Variants in TRAPPC9 observed in about 807,000 individuals in gnomAD.
TRAPPC9 encodes trafficking protein particle complex subunit 9, also known as IKK2 binding protein.
In TRAPPC9, 83 loss-of-function variants were observed where a neutral mutation model predicts 124.0. The observed-to-expected ratio is 0.67, with a 90% CI of 0.56 to 0.80. The LOEUF is 0.80. Among genes scored for constraint, TRAPPC9 ranks in the 30% least tolerant of loss-of-function variants. The probability of loss-of-function intolerance (pLI) is 0.00; values close to 1 mark genes in which losing one functional copy is unlikely to be tolerated. For synonymous variants in TRAPPC9, 638 were observed against 617.5 expected (o/e 1.03, Z -0.49); for missense variants, 1,302 against 1,508.3 (o/e 0.86, Z 2.27).
chr8:139,924,778 C>G (rs2131353096), intron 19 of TRAPPC9, among the ~76,000 whole-genome samples: 1 of 152,366 alleles, frequency 6.6e-6, no homozygotes, highest in African/African-American at 2.4e-5. Context: ...CTATTTCGTC[C>G]ACCTCCTTCG....
intron 21 of TRAPPC9, among the ~76,000 whole-genome samples, chr8:139,805,204 C>T (rs536125491): frequency 1.5e-3 from 227 of 152,336 alleles, no homozygotes; most frequent in Middle Eastern, 0.01. Context: ...GTGGAGTAGG[C>T]GTACCCCAGT....
At chr8:140,246,277 C>T (rs2063985821) in intron 16 of TRAPPC9, among the ~76,000 whole-genome samples, 1 of 152,188 alleles carries the variant, frequency 6.6e-6, no homozygotes. Flanking sequence ...TCCAAGATCA[C>T]CTTCCTGCTC....
At position 139,788,275 on chromosome 8, in the gene TRAPPC9, G is replaced by T. The variant is rs772508254; in HGVS notation, c.3056-56073C>A. Among the ~76,000 whole-genome samples the T allele has an allele frequency of 2.0e-5, 3 of 152,228 alleles. No homozygotes were observed. Among genetic ancestry groups the T allele is most frequent in the South Asian group, 2.1e-4 (1 of 4,834 alleles). On this transcript the variant is annotated intron_variant, in intron 21 of 22. Transcript: ENST00000438773. The surrounding 1 kb of genome is among the most constrained non-coding windows in gnomAD (Gnocchi z 4.9). ...TCCTGGGTGGCTAATGTGTGTGTCA[G>T]TGTATGTTGGAGGAGGGGAAGGGTG...
At chr8:140,247,157 T>TA (rs772067849) in intron 16 of TRAPPC9, among the ~76,000 whole-genome samples, 1 of 152,222 alleles carries the variant, frequency 6.6e-6, no homozygotes, top group Non-Finnish European at 1.5e-5. Context: ...CACAAGTCCT[T>TA]ATGACAACGT....
chr8:139,862,867 T>C (rs1485168995), intron 21 of TRAPPC9, among the ~76,000 whole-genome samples: 1 of 152,202 alleles, frequency 6.6e-6, no homozygotes, highest in African/African-American at 2.4e-5. Context: ...TCCCACAGCC[T>C]AGGTCATTGT....
rs115786121 is a variant in TRAPPC9, at chr8:140,277,208, C to T, written c.2115-1387G>A. On this transcript the variant is annotated intron_variant, in intron 14 of 22. Transcript: ENST00000438773. ...TTAACACAAGCCAAGCTCATGGTGC[C>T]GGGCACGTGTTTCCTGGGGGCTTCC... Among the ~76,000 whole-genome samples the T allele has an allele frequency of 5.6e-3, 846 of 152,344 alleles. 10 individuals carry two copies. The highest frequency in any genetic ancestry group is 0.019 in the African/African-American group (793 of 41,572).
chr8:139,978,963 G>GGGCTTCACA (rs1836684863), intron 19 of TRAPPC9, among the ~76,000 whole-genome samples: 1 of 152,122 alleles, frequency 6.6e-6, no homozygotes, highest in South Asian at 2.1e-4. Flanking sequence ...ACATCTGGGT[G>GGGCTTCACA]GGCTTCACAG....
At position 139,730,996 on chromosome 8, in the gene TRAPPC9, G is replaced by C. The variant is rs373284152; in HGVS notation, c.*65C>G. ...GCAGTGAAGGCCTTGCTCATTGCAG[G>C]GGGTGTGGGAGGCCAGGCAGGGTCA... On this transcript the variant is annotated 3_prime_UTR_variant, in exon 23 of 23. Transcript: ENST00000438773. 23 of 1,576,642 alleles carry C rather than the reference G, an allele frequency of 1.5e-5. No individual in the cohort carries two copies. In the East Asian group the frequency reaches 5.0e-4, roughly 34 times the overall value.
intron 5 of TRAPPC9, among the ~76,000 whole-genome samples, chr8:140,410,840 C>CAA (rs750158682): frequency 6.0e-5 from 6 of 100,258 alleles, no homozygotes; most frequent in South Asian, 2.9e-4. Context: ...GAGACTGTCT[C>CAA]AAAAAAAAAA....
chr8:139,836,803 T>TA (rs907994482), intron 21 of TRAPPC9, among the ~76,000 whole-genome samples: 1 of 152,286 alleles, frequency 6.6e-6, no homozygotes, highest in East Asian at 1.9e-4. Flanking sequence ...TTCTGTAAGC[T>TA]AAAAAATAGG....
At chr8:140,347,216 C>G (rs942066000) in intron 9 of TRAPPC9, among the ~76,000 whole-genome samples, 2 of 152,190 alleles carry the variant, frequency 1.3e-5, no homozygotes, top group Non-Finnish European at 2.9e-5. Flanking sequence ...TCCAGCTCAG[C>G]CCCACAGTTC....
chr8:140,069,488 C>T (rs1843035010), intron 17 of TRAPPC9, among the ~76,000 whole-genome samples: 1 of 152,194 alleles, frequency 6.6e-6, no homozygotes, highest in Non-Finnish European at 1.5e-5. Context: ...GGCGGTCCCT[C>T]TGGGCCCTGT....
chr8:139,881,658 C>T (rs1829680587), intron 21 of TRAPPC9, among the ~76,000 whole-genome samples: 3 of 101,752 alleles, frequency 2.9e-5, no homozygotes, highest in South Asian at 3.2e-4. Flanking sequence ...AGCTGGCCTA[C>T]CAACTGCTAA....
At position 139,977,026 on chromosome 8, in the gene TRAPPC9, C is replaced by T. The variant is rs528675605; in HGVS notation, c.2810+11700G>A. ...TGGGCAGCTACTGGGTCTGGATTAT[C>T]TGATGAGTAAGACGATTCTGGCCTG... On this transcript the variant is annotated intron_variant, in intron 19 of 22. Coordinates refer to ENST00000438773, the MANE Select transcript of TRAPPC9 (RefSeq NM_001160372.4). 6.9e-4 allele frequency among the ~76,000 whole-genome samples: 105 copies of T among 152,340 alleles called. No homozygotes were observed. In the Middle Eastern group the frequency reaches 0.01, roughly 15 times the overall value.
intron 19 of TRAPPC9, among the ~76,000 whole-genome samples, chr8:139,938,686 C>T (rs961162631): frequency 1.3e-4 from 19 of 151,544 alleles, no homozygotes; most frequent in African/African-American, 3.9e-4. Context: ...TCGCCCAGGC[C>T]GGACTGTGGA....
At chr8:140,196,514 ATCACACCT>A (rs2062671215) in intron 17 of TRAPPC9, among the ~76,000 whole-genome samples, 1 of 12,326 alleles carries the variant, frequency 8.1e-5, no homozygotes, top group Admixed American at 1.0e-3. Context: ...CACCATACAG[ATCACACCT>A]GTGACACTAA....
intron 6 of TRAPPC9, among the ~76,000 whole-genome samples, chr8:140,401,927 CTTTT>C (rs769830190): frequency 1.4e-5 from 2 of 139,768 alleles, no homozygotes; most frequent in Non-Finnish European, 3.1e-5. Flanking sequence ...CACTCAACCT[CTTTT>C]TTTTTTTTTT....
chr8:139,917,167 C>A (rs117332545), intron 19 of TRAPPC9, among the ~76,000 whole-genome samples: 7 of 99,926 alleles, frequency 7.0e-5, no homozygotes, highest in African/African-American at 2.2e-4. Context: ...TTATTATTTT[C>A]TTTTTTTTTT....
At chr8:140,223,115 A>G (rs1236796403) in intron 16 of TRAPPC9, among the ~76,000 whole-genome samples, 2 of 151,910 alleles carry the variant, frequency 1.3e-5, no homozygotes, top group Non-Finnish European at 2.9e-5. Flanking sequence ...TCAACCCATC[A>G]CCCACGTATT....
Sources: allele counts gnomAD v4.1 joint callset (sites outside exome capture counted in the v4.1 genomes callset), GRCh38; gene constraint gnomAD v4.1.1; non-coding constraint Gnocchi (gnomAD v3.1); transcripts MANE v1.5; gene names NCBI Gene and HGNC (gene_info 2026-07-23, HGNC 2026-07-21).